RANBP2: variants seen among roughly 807,000 people sequenced by gnomAD.
The protein encoded by RANBP2 is RAN binding protein 2, also known as E3 SUMO-protein ligase RanBP2.
RANBP2 carries 57 observed loss-of-function variants against 303.6 expected under a neutral mutation model. That is an observed-to-expected ratio of 0.19 (90% CI 0.15 to 0.23). RANBP2 has a LOEUF of 0.23. RANBP2 is among the 10% of genes least tolerant of loss of function. The pLI, the probability that RANBP2 is intolerant of heterozygous loss-of-function variation, is 1.00. For missense variants in RANBP2, 3,138 were observed against 3,780.8 expected (o/e 0.83, Z 4.46); for synonymous variants, 1,167 against 1,301.5 (o/e 0.90, Z 2.23).
the RANBP2 span, among the ~76,000 whole-genome samples, chr2:108,986,695 T>C: frequency 0.45 from 68,882 of 152,096 alleles, 18,646 homozygotes; most frequent in South Asian, 0.69. Flanking sequence ...TAAAGTGCCA[T>C]AGAAATGTAC....
chr2:109,224,951 C>T, the RANBP2 span, among the ~76,000 whole-genome samples: 4 of 152,152 alleles, frequency 2.6e-5, no homozygotes, highest in Non-Finnish European at 4.4e-5. Flanking sequence ...AGCTAGAGAA[C>T]TGCAGCATAA....
At chr2:108,777,961 C>G (rs1237468273) in intron 25 of RANBP2, among the ~76,000 whole-genome samples, 2 of 151,334 alleles carry the variant, frequency 1.3e-5, no homozygotes, top group African/African-American at 2.5e-5. Flanking sequence ...TTTTTCACAG[C>G]TCCTGCCACC....
At chr2:109,505,838 C>G in the RANBP2 span, among the ~76,000 whole-genome samples, 1 of 152,116 alleles carries the variant, frequency 6.6e-6, no homozygotes, top group Non-Finnish European at 1.5e-5. Context: ...ATTGATACCT[C>G]AAGCACAAGA....
At chr2:109,328,354 C>G in the RANBP2 span, among the ~76,000 whole-genome samples, 1,275 of 152,326 alleles carry the variant, frequency 8.4e-3, 15 homozygotes, top group East Asian at 0.045. Context: ...TGCCATTAAT[C>G]TGTTGAAGAA....
At chr2:109,154,175 A>C in the RANBP2 span, among the ~76,000 whole-genome samples, 2 of 152,208 alleles carry the variant, frequency 1.3e-5, no homozygotes, top group East Asian at 3.8e-4. Context: ...TCATCCCTAC[A>C]TGGGGCTCAG....
chr2:109,423,165 C>A, the RANBP2 span, among the ~76,000 whole-genome samples: 1 of 152,008 alleles, frequency 6.6e-6, no homozygotes, highest in Non-Finnish European at 1.5e-5. Flanking sequence ...GGAGTCCTAT[C>A]CAGGAGCCCA....
the RANBP2 span, among the ~76,000 whole-genome samples, chr2:108,902,182 C>T: frequency 1.3e-5 from 2 of 151,208 alleles, no homozygotes; most frequent in African/African-American, 4.9e-5. Context: ...AGGTTGCCAG[C>T]CTGGGACAGA....
At chr2:108,837,693 C>T in the RANBP2 span, among the ~76,000 whole-genome samples, 3 of 152,104 alleles carry the variant, frequency 2.0e-5, no homozygotes, top group African/African-American at 7.2e-5. Context: ...GTACATAATA[C>T]TTGATCATAA....
the RANBP2 span, chr2:108,794,643 A>G: frequency 1.8e-4 from 296 of 1,614,166 alleles, no homozygotes; most frequent in Admixed American, 1.1e-3. Context: ...AATCTAAAGC[A>G]TCAGACAAGC....
chr2:108,823,358 G>A, the RANBP2 span, among the ~76,000 whole-genome samples: 688 of 152,296 alleles, frequency 4.5e-3, 4 homozygotes, highest in African/African-American at 0.016. Flanking sequence ...CTAATACCTT[G>A]ATAAATATTG....
the RANBP2 span, among the ~76,000 whole-genome samples, chr2:108,880,203 A>C: frequency 1.2e-5 from 1 of 82,704 alleles, no homozygotes. Context: ...AAAAAAAAAA[A>C]CAACAACAAA....
chr2:109,372,123 C>T, the RANBP2 span, among the ~76,000 whole-genome samples: 1 of 152,226 alleles, frequency 6.6e-6, no homozygotes, highest in Non-Finnish European at 1.5e-5. Context: ...TGGCCATCTG[C>T]AAAGTCCTCC....
chr2:108,905,337 GC>G, the RANBP2 span, among the ~76,000 whole-genome samples: 2 of 152,208 alleles, frequency 1.3e-5, no homozygotes, highest in African/African-American at 4.8e-5. Flanking sequence ...GCAGCTGACA[GC>G]CCCAGGCCAT....
chr2:109,522,672 T>G, the RANBP2 span, among the ~76,000 whole-genome samples: 1 of 151,838 alleles, frequency 6.6e-6, no homozygotes, highest in East Asian at 1.9e-4. Flanking sequence ...TCCCAAAGTG[T>G]TCAGTCCCAC....
At chr2:109,005,016 G>T in the RANBP2 span, among the ~76,000 whole-genome samples, 219 of 152,292 alleles carry the variant, frequency 1.4e-3, no homozygotes, top group Non-Finnish European at 9.0e-4. Context: ...GGCCCAGTCT[G>T]ATGGGTTTTC....
At chr2:109,692,351 TAA>T in the RANBP2 span, among the ~76,000 whole-genome samples, 1 of 152,080 alleles carries the variant, frequency 6.6e-6, no homozygotes, top group Non-Finnish European at 1.5e-5. Flanking sequence ...CTTGGGGTAA[TAA>T]AGTGTTCTAA....
the RANBP2 span, among the ~76,000 whole-genome samples, chr2:109,267,623 C>CGGGAGCCAG: frequency 2.0e-5 from 3 of 152,086 alleles, no homozygotes; most frequent in African/African-American, 7.2e-5. Flanking sequence ...GAGGGAGGGC[C>CGGGAGCCAG]GGGAGCCAGG....
the RANBP2 span, among the ~76,000 whole-genome samples, chr2:109,592,854 T>A: frequency 6.6e-6 from 1 of 152,084 alleles, no homozygotes; most frequent in Non-Finnish European, 1.5e-5. Context: ...GATACTCAAT[T>A]AAGAATATTG....
rs1291307511 is a variant in RANBP2 at position 108,764,616 on chromosome 2, C to T, written c.4077C>T (p.Asn1359=). The T allele has an allele frequency of 1.2e-6, 2 of 1,614,026 alleles. No individual in the cohort carries two copies. Among genetic ancestry groups the T allele is most frequent in the South Asian group, 1.1e-5 (1 of 91,080 alleles). ...AAGAAGGGTCTTGGTGGCATTGTAA[C>T]AGCTGCTCATTAAAGAATGCTTCAA... ...AKKEGSWWHC[N]SCSLKNASTA... The change falls in exon 20 of 29, where the codon AAC becomes AAT. Residue 1359 remains asparagine (N), a synonymous_variant. Transcript: ENST00000283195.
Sources: allele counts gnomAD v4.1 joint callset (sites outside exome capture counted in the v4.1 genomes callset), GRCh38; gene constraint gnomAD v4.1.1; transcripts MANE v1.5; gene names NCBI Gene and HGNC (gene_info 2026-07-23, HGNC 2026-07-21).